The following KIAA1328 variants were observed in gnomAD, a reference collection of about 807,000 sequenced individuals.
The protein encoded by KIAA1328 is KIAA1328.
KIAA1328 carries 52 observed loss-of-function variants against 68.1 expected under a neutral mutation model. The ratio of observed to expected loss-of-function variants is 0.76; its 90% CI spans 0.61 to 0.96. The LOEUF (loss-of-function observed/expected upper bound fraction) is 0.96, where lower values mean the gene tolerates loss of function less well. KIAA1328 is among the 40% of genes least tolerant of loss of function. The pLI is 0.00. For synonymous variants in KIAA1328, 232 were observed against 239.4 expected, an observed-to-expected ratio of 0.97 and a Z score of 0.28; for missense variants, 641 against 677.6, an observed-to-expected ratio of 0.95 and a Z score of 0.60.
chr18:36,848,324 GTGT>G (rs1302382895), intron 4 of KIAA1328, among the ~76,000 whole-genome samples: 2 of 151,270 alleles, frequency 1.3e-5, no homozygotes, highest in Non-Finnish European at 3.0e-5. Context: ...ATTGTAAGTG[GTGT>G]TATTAGAAAT....
intron 5 of KIAA1328, among the ~76,000 whole-genome samples, chr18:36,887,282 G>T (rs2048533571): frequency 6.6e-6 from 1 of 152,002 alleles, no homozygotes; most frequent in South Asian, 2.1e-4. Context: ...TCTTCTACTT[G>T]AGGAGTAGTA....
intron 6 of KIAA1328, among the ~76,000 whole-genome samples, chr18:37,024,884 T>C (rs1216605381): frequency 1.3e-5 from 2 of 152,180 alleles, no homozygotes; most frequent in African/African-American, 4.8e-5. Flanking sequence ...ATCCTTTGGG[T>C]ATATACTCAG....
chr18:36,853,735 T>C (rs1192285814), intron 4 of KIAA1328, among the ~76,000 whole-genome samples: 2 of 152,176 alleles, frequency 1.3e-5, no homozygotes, highest in East Asian at 3.9e-4. Flanking sequence ...CCTGGCTCAC[T>C]GCAACCTCCG....
At chr18:36,875,636 T>C (rs1329403232) in intron 4 of KIAA1328, among the ~76,000 whole-genome samples, 1 of 151,428 alleles carries the variant, frequency 6.6e-6, no homozygotes, top group African/African-American at 2.5e-5. Context: ...GACTTCCTCT[T>C]CTTCTCTTCG....
intron 5 of KIAA1328, among the ~76,000 whole-genome samples, chr18:36,937,395 A>T (rs1293379972): frequency 6.6e-6 from 1 of 152,228 alleles, no homozygotes; most frequent in Non-Finnish European, 1.5e-5. Context: ...CTGCACAGCA[A>T]AGGAACTACC....
At chr18:37,163,590 C>T (rs1433570094) in intron 8 of KIAA1328, among the ~76,000 whole-genome samples, 1 of 152,104 alleles carries the variant, frequency 6.6e-6, no homozygotes, top group Admixed American at 6.5e-5. Context: ...ATTCTAGACT[C>T]AAGTAAAGAA....
At chr18:36,860,195 C>T (rs1438607240) in intron 4 of KIAA1328, among the ~76,000 whole-genome samples, 1 of 152,024 alleles carries the variant, frequency 6.6e-6, no homozygotes, top group East Asian at 1.9e-4. Context: ...ACTAGCATAC[C>T]ATGTGGTCGT....
intron 5 of KIAA1328, among the ~76,000 whole-genome samples, chr18:36,893,425 A>C (rs1219001981): frequency 4.9e-5 from 7 of 143,394 alleles, no homozygotes; most frequent in Non-Finnish European, 1.1e-4. Flanking sequence ...GCTCCACCCC[A>C]CCTGGCTATT....
intron 5 of KIAA1328, among the ~76,000 whole-genome samples, chr18:36,911,928 T>C (rs185613891): frequency 6.6e-6 from 1 of 152,232 alleles, no homozygotes; most frequent in Admixed American, 6.5e-5. Context: ...CTGTTAAATA[T>C]TTTACTGGGA....
downstream of KIAA1328, among the ~76,000 whole-genome samples, chr18:37,226,627 C>A (rs1280671323): frequency 1.3e-5 from 2 of 151,722 alleles, no homozygotes; most frequent in African/African-American, 4.8e-5. Context: ...TACATGGTTC[C>A]TTTTGATTGC....
chr18:36,874,455 A>G (rs573565633), intron 4 of KIAA1328, among the ~76,000 whole-genome samples: 9 of 152,298 alleles, frequency 5.9e-5, no homozygotes, highest in African/African-American at 1.9e-4. Context: ...GCTTTTTATC[A>G]TATGTTTGCT....
chr18:37,094,868 G>C (rs1418410327), intron 7 of KIAA1328, among the ~76,000 whole-genome samples: 1 of 151,760 alleles, frequency 6.6e-6, no homozygotes, highest in East Asian at 1.9e-4. Context: ...TAAAGTGAAG[G>C]GATGGAAATA....
At position 37,223,681 on chromosome 18, in the gene KIAA1328, C is replaced by T. The variant is rs2154226753; in HGVS notation, c.*1454C>T. 3 of 985,374 alleles carry T rather than the reference C, an allele frequency of 3.0e-6. No homozygotes were observed. The highest frequency in any genetic ancestry group is 3.5e-5 in the African/African-American group (2 of 57,340). 61.0% of individuals were successfully genotyped at this position (985,374 alleles called of 1,614,324 possible). The stretch of plus-strand genomic sequence containing the variant: ...CATGCAGCGAGTCTGCGTGGCTTCC[C>T]TGAATTACTCTTTTAATTAAAACTA... On this transcript the variant is annotated 3_prime_UTR_variant, in exon 10 of 10. Coordinates refer to ENST00000280020, the MANE Select transcript of KIAA1328 (RefSeq NM_020776.3).
chr18:37,094,619 TA>T (rs1171123449), intron 7 of KIAA1328, among the ~76,000 whole-genome samples: 1 of 150,990 alleles, frequency 6.6e-6, no homozygotes, highest in East Asian at 1.9e-4. Flanking sequence ...ACTACAAAAA[TA>T]AAAAAAGGCA....
At chr18:37,211,741 A>G (rs933018468) in intron 9 of KIAA1328, among the ~76,000 whole-genome samples, 5 of 152,204 alleles carry the variant, frequency 3.3e-5, no homozygotes, top group Non-Finnish European at 7.3e-5. Context: ...TTTTTTTACT[A>G]TATTTCATAG....
chr18:37,189,182 ATAGATTTCTTGATTG>A (rs941255364), intron 9 of KIAA1328, among the ~76,000 whole-genome samples: 2 of 152,232 alleles, frequency 1.3e-5, no homozygotes, highest in African/African-American at 4.8e-5. Context: ...ACAGATTATC[ATAGATTTCTTGATTG>A]TAACACAAGA....
chr18:36,858,542 T>A (rs1053437237), intron 4 of KIAA1328, among the ~76,000 whole-genome samples: 4 of 152,234 alleles, frequency 2.6e-5, no homozygotes, highest in African/African-American at 9.6e-5. Flanking sequence ...ATCAACTTTG[T>A]TTTGGTTTTC....
chr18:37,136,433 A>C (rs571733339), intron 7 of KIAA1328, among the ~76,000 whole-genome samples: 45 of 152,366 alleles, frequency 3.0e-4, no homozygotes, highest in African/African-American at 9.9e-4. Flanking sequence ...CTTCATAAGT[A>C]CATGCTTGAA....
intron 6 of KIAA1328, among the ~76,000 whole-genome samples, chr18:37,005,441 A>C (rs1028790789): frequency 3.9e-5 from 6 of 152,098 alleles, no homozygotes; most frequent in Non-Finnish European, 8.8e-5. Flanking sequence ...TTAAAAAAAA[A>C]AAAAACAAGT....
Sources: gnomAD v4.1 joint callset for allele counts (sites outside exome capture counted in the v4.1 genomes callset) on GRCh38, gnomAD v4.1.1 for gene constraint, MANE v1.5 for transcripts, NCBI Gene and HGNC (gene_info 2026-07-23, HGNC 2026-07-21) for gene names.